Variants in ERI1 observed in about 807,000 individuals in gnomAD.
ERI1 encodes 3'-5' exoribonuclease 1.
A neutral mutation model predicts 39.7 loss-of-function variants in ERI1; 39 were observed. That is an observed-to-expected ratio of 0.98 (90% CI 0.76 to 1.28). The LOEUF is 1.28. ERI1 is among the 50% of genes most tolerant of loss of function. The pLI, the probability that ERI1 is intolerant of heterozygous loss-of-function variation, is 0.00. For missense variants in ERI1, 581 were observed against 416.9 expected (o/e 1.39, Z -3.43); for synonymous variants, 204 against 149.6 (o/e 1.36, Z -2.65).
At position 9,030,527 on chromosome 8, in the gene ERI1, CATGT is replaced by C. The variant is rs370741190; in HGVS notation, c.*498_*501del. On this transcript the variant is annotated 3_prime_UTR_variant, in exon 7 of 7. Coordinates refer to ENST00000250263, the MANE Select transcript of ERI1 (RefSeq NM_153332.4). Reference sequence around the variant, plus strand: ...TTCAAAGTTTATATGTGAAGTTCACCATGTATGTGGTGAATTTCGTAAGGTACTT... The same window carrying C: ...TTCAAAGTTTATATGTGAAGTTCACCATGTGGTGAATTTCGTAAGGTACTT... 2.0e-3 allele frequency: 317 copies of C among 158,602 alleles called. 1 individual carries two copies. Among genetic ancestry groups the C allele is most frequent in the African/African-American group, 7.2e-3 (299 of 41,568 alleles). The allele number at this position is 158,602 out of a possible 1,614,324, so 9.8% of individuals were successfully genotyped here. A position where few individuals can be genotyped will look rare whatever the true frequency, so the allele number is the denominator to read the frequency against.
rs192534738 is a variant in ERI1 at position 9,007,299 on chromosome 8, T to G, written c.109-671T>G. Among the ~76,000 whole-genome samples, 42 of 152,340 alleles carry G rather than the reference T, an allele frequency of 2.8e-4. No individual in the cohort carries two copies. The East Asian group carries it at 7.3e-3, about 27-fold the overall frequency. Reference sequence around the variant, plus strand: ...CTTTGAGTACTAGGAAGCTGTAAATTAGATTTGCGGTCCATTTTGTTTTTA... The same window carrying G: ...CTTTGAGTACTAGGAAGCTGTAAATGAGATTTGCGGTCCATTTTGTTTTTA... On this transcript the variant is annotated intron_variant, in intron 1 of 6. Coordinates refer to ENST00000250263, the MANE Select transcript of ERI1 (RefSeq NM_153332.4).
At position 9,078,804 on chromosome 8, in the gene ERI1, A is replaced by G. The variant is rs34415391; in HGVS notation, n.300-37544A>G. Among the ~76,000 whole-genome samples the G allele has an allele frequency of 7.0e-4, 106 of 152,286 alleles. 1 individual carries two copies. Among genetic ancestry groups the G allele is most frequent in the African/African-American group, 2.3e-3 (97 of 41,568 alleles). On this transcript the variant is annotated intron_variant and non_coding_transcript_variant, in intron 3 of 3. Coordinates refer to the ERI1 transcript ENST00000518663. ...AAAGTCAGAGAACCAAAACTGTAAG[A>G]GAAGATTATCTTTTTTCTCTTCTTT...
chr8:9,073,344 C>G (rs1563373266), intron 3 of ERI1, among the ~76,000 whole-genome samples: 2 of 152,146 alleles, frequency 1.3e-5, no homozygotes, highest in Non-Finnish European at 2.9e-5. Context: ...ATTGTCTACT[C>G]TTAGTAAAGT....
At chr8:9,086,445 G>T (rs937939255) in intron 3 of ERI1, among the ~76,000 whole-genome samples, 2 of 152,160 alleles carry the variant, frequency 1.3e-5, no homozygotes, top group Admixed American at 6.5e-5. Flanking sequence ...AGCTACTCTG[G>T]AGGCTGAGGT....
intron 3 of ERI1, among the ~76,000 whole-genome samples, chr8:9,054,049 C>A (rs1357359544): frequency 7.4e-6 from 1 of 134,684 alleles, no homozygotes; most frequent in African/African-American, 3.0e-5. Flanking sequence ...ACTCCCATTT[C>A]CACATTCACA....
At chr8:9,045,755 C>T (rs1435552954) in intron 3 of ERI1, among the ~76,000 whole-genome samples, 2 of 150,280 alleles carry the variant, frequency 1.3e-5, no homozygotes, top group Non-Finnish European at 2.9e-5. Flanking sequence ...CGGCTCACTG[C>T]GACCTCCACC....
intron 6 of ERI1, among the ~76,000 whole-genome samples, chr8:9,021,765 GTTTTTT>G (rs1161148984): frequency 3.9e-5 from 2 of 51,102 alleles, no homozygotes; most frequent in Admixed American, 3.1e-4. Context: ...TATATTATTT[GTTTTTT>G]TTGTTTTTTT....
chr8:9,062,295 G>GA (rs1441702349), intron 3 of ERI1, among the ~76,000 whole-genome samples: 2 of 151,920 alleles, frequency 1.3e-5, no homozygotes, highest in Non-Finnish European at 2.9e-5. Flanking sequence ...TAAGGTGCGG[G>GA]GATACGAGAG....
chr8:9,061,011 T>A (rs538480043), intron 3 of ERI1, among the ~76,000 whole-genome samples: 1 of 152,326 alleles, frequency 6.6e-6, no homozygotes, highest in South Asian at 2.1e-4. Flanking sequence ...AGAGTCAGTA[T>A]AAATATTGAC....
At chr8:9,060,453 C>T (rs1323699772) in intron 3 of ERI1, among the ~76,000 whole-genome samples, 1 of 151,826 alleles carries the variant, frequency 6.6e-6, no homozygotes, top group Non-Finnish European at 1.5e-5. Flanking sequence ...GGGAGGGGGC[C>T]GGAACAATCC....
chr8:9,029,874 A>T lies in ERI1; in HGVS notation c.890A>T (p.Asp297Val). Residue 297 changes from aspartate to valine, a missense_variant, in exon 7 of 7, where the codon GAT becomes GTT. Transcript: ENST00000250263. ...DYDGRPHCGL[D>V]DSKNIARIAV... ...GATGGGCGGCCTCACTGTGGTCTTG[A>T]TGACTCTAAGAATATCGCCCGAATA... is the stretch of plus-strand genomic sequence containing the variant. The T allele has an allele frequency of 6.2e-7, 1 of 1,614,222 alleles. No individual in the cohort carries two copies. The highest frequency in any genetic ancestry group is 8.5e-7 in the Non-Finnish European group (1 of 1,180,034).
At chr8:9,089,695 C>T (rs1353091244) in intron 3 of ERI1, among the ~76,000 whole-genome samples, 1 of 152,208 alleles carries the variant, frequency 6.6e-6, no homozygotes. Flanking sequence ...CCCACCTCTT[C>T]TTCACTAGCT....
chr8:9,093,824 G>T (rs944224017), intron 3 of ERI1, among the ~76,000 whole-genome samples: 2 of 152,022 alleles, frequency 1.3e-5, no homozygotes, highest in African/African-American at 4.8e-5. Context: ...CGATCCACTC[G>T]CCTCGGCCTC....
chr8:9,076,079 A>G (rs7841165), intron 3 of ERI1, among the ~76,000 whole-genome samples: 7,579 of 152,028 alleles, frequency 0.05, 565 homozygotes, highest in African/African-American at 0.16. Context: ...TGGGACTATG[A>G]GTGTATTCCT....
In ERI1 at chr8:9,013,879, C is replaced by T. The variant is rs28692621; in HGVS notation, c.498+2127C>T. On this transcript the variant is annotated intron_variant, in intron 3 of 6. Transcript: ENST00000250263. ...CTCTGCCTTCAAAATATATCCAGAA[C>T]CCAGTCACTTAACTGAACTGCTGTG... is the stretch of plus-strand genomic sequence containing the variant. Among the ~76,000 whole-genome samples the T allele has an allele frequency of 8.8e-3, 1,344 of 152,232 alleles. 20 individuals carry two copies. Among genetic ancestry groups the T allele is most frequent in the African/African-American group, 0.031 (1,290 of 41,526 alleles).
intron 3 of ERI1, among the ~76,000 whole-genome samples, chr8:9,056,927 G>A (rs1308204371): frequency 3.3e-5 from 5 of 152,004 alleles, no homozygotes; most frequent in South Asian, 2.1e-4. Flanking sequence ...TTTGTCATCT[G>A]GGTTCAAGTG....
At chr8:9,010,384 C>G (rs1816536286) in intron 2 of ERI1, among the ~76,000 whole-genome samples, 1 of 152,126 alleles carries the variant, frequency 6.6e-6, no homozygotes. Flanking sequence ...CTCACAGTGC[C>G]TTAATATGAA....
At chr8:9,053,122 T>G (rs1798409700) in intron 3 of ERI1, among the ~76,000 whole-genome samples, 1 of 152,194 alleles carries the variant, frequency 6.6e-6, no homozygotes, top group Non-Finnish European at 1.5e-5. Context: ...GTTCAAGAGA[T>G]TCTCCTGCCT....
intron 3 of ERI1, chr8:9,048,610 G>A: frequency 6.5e-6 from 1 of 152,978 alleles, no homozygotes; most frequent in Non-Finnish European, 1.5e-5. Context: ...AGGACATGGG[G>A]AAAAGGTCCA....
Sources: gnomAD v4.1 joint callset for allele counts (sites outside exome capture counted in the v4.1 genomes callset) on GRCh38, gnomAD v4.1.1 for gene constraint, MANE v1.5 for transcripts, NCBI Gene and HGNC (gene_info 2026-07-23, HGNC 2026-07-21) for gene names.